Variants in SLC35B3 observed in about 807,000 individuals in gnomAD.
The protein encoded by SLC35B3 is solute carrier family 35 member B3, also known as adenosine 3'-phospho 5'-phosphosulfate transporter 2.
In SLC35B3, 35 loss-of-function variants were observed where a neutral mutation model predicts 44.1. The observed-to-expected ratio is 0.79, with a 90% CI of 0.61 to 1.05. SLC35B3 has a LOEUF of 1.05. SLC35B3 is among the 50% of genes least tolerant of loss of function. The probability of loss-of-function intolerance (pLI) is 0.00; values close to 1 mark genes in which losing one functional copy is unlikely to be tolerated. For synonymous variants in SLC35B3, 146 were observed against 167.3 expected, an observed-to-expected ratio of 0.87 and a Z score of 0.98; for missense variants, 414 against 476.4, an observed-to-expected ratio of 0.87 and a Z score of 1.22.
chr6:8,430,148 G>T lies in SLC35B3; in HGVS notation c.13C>A (p.Gln5Lys), dbSNP rs771060625. Reference sequence around the variant, plus strand: ...ATGTTCTGTATGTCTTTTGCTTGCTGTGTCAAGTCCTAGAGAAGGAAATAA... The same window carrying T: ...ATGTTCTGTATGTCTTTTGCTTGCTTTGTCAAGTCCTAGAGAAGGAAATAA... Residue 5 changes from glutamine (Q) to lysine (K), a missense_variant, in exon 3 of 11, where the codon CAG (glutamine) becomes AAG (lysine). Coordinates refer to ENST00000644923, the MANE Select transcript of SLC35B3 (RefSeq NM_001370476.2). 1.3e-6 allele frequency: 2 copies of T among 1,578,740 alleles called. No homozygotes were observed. The highest frequency in any genetic ancestry group is 4.5e-5 in the East Asian group (2 of 44,474).
At position 8,411,909 on chromosome 6, in the gene SLC35B3, T is replaced by C. The variant is rs1762075145; in HGVS notation, c.*1640A>G. On this transcript the variant is annotated 3_prime_UTR_variant, in exon 11 of 11. Coordinates refer to ENST00000644923, the MANE Select transcript of SLC35B3 (RefSeq NM_001370476.2). The stretch of plus-strand genomic sequence containing the variant: ...TAGAAGCAATTCTAAAAATCACTGC[T>C]AAAAATAAGTGCCCAAATCTTTGAA... Among the ~76,000 whole-genome samples the C allele has an allele frequency of 6.6e-6, 1 of 152,160 alleles. No individual in the cohort carries two copies. Among genetic ancestry groups the C allele is most frequent in the African/African-American group, 2.4e-5 (1 of 41,450 alleles).
chr6:8,433,989 C>A lies in SLC35B3; in HGVS notation c.3+396G>T. On this transcript the variant is annotated intron_variant, in intron 2 of 10. Coordinates refer to ENST00000644923, the MANE Select transcript of SLC35B3 (RefSeq NM_001370476.2). This position sits in a 1 kb window ranked among gnomAD's most constrained non-coding sequence, Gnocchi z 4.1. The stretch of plus-strand genomic sequence containing the variant: ...ATTAGTTTTCAGACTAAATGATCAA[C>A]ATTGTGCTTTGCTTTTGAAGCTCAC... Among the ~76,000 whole-genome samples, 1 of 150,968 alleles carries A rather than the reference C, an allele frequency of 6.6e-6. No individual in the cohort carries two copies. The highest frequency in any genetic ancestry group is 2.0e-4 in the East Asian group (1 of 5,120).
At position 8,434,437 on chromosome 6, in the gene SLC35B3, T is replaced by C. The variant is rs2113587459; in HGVS notation, c.-43-7A>G. Reference sequence around the variant, plus strand: ...CTCCGGAATCAATCATGGCCTATGGTGTACGATTATAAAACAGAAAAAACA... The same window carrying C: ...CTCCGGAATCAATCATGGCCTATGGCGTACGATTATAAAACAGAAAAAACA... On this transcript the variant is annotated splice_polypyrimidine_tract_variant and splice_region_variant and intron_variant, in intron 1 of 10. Transcript: ENST00000644923. The surrounding 1 kb of genome is among the most constrained non-coding windows in gnomAD (Gnocchi z 6.3). The C allele has an allele frequency of 6.2e-7, 1 of 1,608,362 alleles. No individual in the cohort carries two copies. Among genetic ancestry groups the C allele is most frequent in the South Asian group, 1.1e-5 (1 of 90,214 alleles).
chr6:8,431,871 C>CT (rs1410257444), intron 2 of SLC35B3, among the ~76,000 whole-genome samples: 1 of 152,196 alleles, frequency 6.6e-6, no homozygotes, highest in African/African-American at 2.4e-5. Context: ...TTTGCTCTCC[C>CT]TCCACTCTCA....
intron 3 of SLC35B3, among the ~76,000 whole-genome samples, chr6:8,429,483 T>G (rs897031629): frequency 1.3e-5 from 2 of 152,138 alleles, no homozygotes. Flanking sequence ...CCTGATACAT[T>G]TTTGCAAAAA....
At chr6:8,430,212 A>G in intron 2 of SLC35B3, 55 bp from the exon 2 acceptor site, 1 of 1,399,718 alleles carries the variant, frequency 7.1e-7, no homozygotes, top group Non-Finnish European at 9.6e-7. Flanking sequence ...TAATCCTCCA[A>G]ATAATATTCC....
chr6:8,415,869 A>T (rs1762371253), intron 9 of SLC35B3, among the ~76,000 whole-genome samples: 2 of 152,202 alleles, frequency 1.3e-5, no homozygotes, highest in South Asian at 4.2e-4. Context: ...TTCTCGGAGT[A>T]TGGCTTTTAG....
At position 8,419,552 on chromosome 6, in the gene SLC35B3, T is replaced by C. The variant is rs775444938; in HGVS notation, c.780+28A>G. ...ATCACCATTTTTTAAATCTGTCTAATTTGAAGAAAAAACACTAGAGTATTT... is the reference window on the plus strand; with the variant it reads ...ATCACCATTTTTTAAATCTGTCTAACTTGAAGAAAAAACACTAGAGTATTT... On this transcript the variant is annotated intron_variant, in intron 7 of 10. Transcript: ENST00000644923. The surrounding 1 kb of genome is among the most constrained non-coding windows in gnomAD (Gnocchi z 4.3). The C allele has an allele frequency of 8.4e-7, 1 of 1,190,876 alleles. No homozygotes were observed. The highest frequency in any genetic ancestry group is 2.3e-5 in the Admixed American group (1 of 43,542). The allele number at this position is 1,190,876 out of a possible 1,614,324, so 73.8% of individuals were successfully genotyped here. A position where few individuals can be genotyped will look rare whatever the true frequency, so the allele number is the denominator to read the frequency against.
intron 4 of SLC35B3, 62 bp from the exon 4 acceptor site, chr6:8,422,686 T>C: frequency 7.7e-7 from 1 of 1,295,114 alleles, no homozygotes; most frequent in South Asian, 1.3e-5. Flanking sequence ...TAAAAGATAA[T>C]GTGTTCACAT....
At position 8,432,239 on chromosome 6, in the gene SLC35B3, G is replaced by A. The variant is rs1457222518; in HGVS notation, c.4-2082C>T. ...TTGGATACGATTTTTGAAATGGATG[G>A]TGGTACTGGCAAACTTTATGAGCAA... On this transcript the variant is annotated intron_variant, in intron 2 of 10. Transcript: ENST00000644923. This position sits in a 1 kb window ranked among gnomAD's most constrained non-coding sequence, Gnocchi z 4.8. Among the ~76,000 whole-genome samples the A allele has an allele frequency of 6.6e-6, 1 of 151,832 alleles. No homozygotes were observed. The highest frequency in any genetic ancestry group is 1.5e-5 in the Non-Finnish European group (1 of 68,010).
In SLC35B3 at chr6:8,428,018, C is replaced by G. The variant is rs764335719; in HGVS notation, c.338G>C (p.Trp113Ser). The change falls in exon 4 of 11, where the codon TGG (tryptophan) becomes TCG (serine). Residue 113 changes from tryptophan (W) to serine (S), a missense_variant. Trp to Ser is a radical substitution (Grantham distance 177). Transcript: ENST00000644923. ...GGCAAACTGCACTAAGGTAAGGTAC[C>G]AGCCACAGGACTTAAAACCCTCCAC... 6.2e-7 allele frequency: 1 copy of G among 1,608,324 alleles called. No individual in the cohort carries two copies. Among genetic ancestry groups the G allele is most frequent in the South Asian group, 1.1e-5 (1 of 90,154 alleles).
intron 3 of SLC35B3, among the ~76,000 whole-genome samples, chr6:8,429,476 G>A (rs1323708812): frequency 6.6e-6 from 1 of 152,064 alleles, no homozygotes; most frequent in Non-Finnish European, 1.5e-5. Flanking sequence ...AAAATATCCT[G>A]ATACATTTTT....
Position 8,435,218 on chromosome 6 carries a change from C to A in SLC35B3, c.-44+125G>T. 7 of 1,289,240 alleles carry A rather than the reference C, an allele frequency of 5.4e-6. No individual in the cohort carries two copies. The South Asian group carries it at 8.6e-5, about 16-fold the overall frequency. 79.9% of individuals were successfully genotyped at this position (1,289,240 alleles called of 1,614,324 possible). A position where few individuals can be genotyped will look rare whatever the true frequency, so the allele number is the denominator to read the frequency against. Reference sequence around the variant, plus strand: ...CAAAAAAGGGAATCACCCGTTTCTTCCATCCCGACCTCATCCATTCCTCGA... The same window carrying A: ...CAAAAAAGGGAATCACCCGTTTCTTACATCCCGACCTCATCCATTCCTCGA... On this transcript the variant is annotated intron_variant, in intron 1 of 10. Coordinates refer to ENST00000644923, the MANE Select transcript of SLC35B3 (RefSeq NM_001370476.2). The surrounding 1 kb of genome is among the most constrained non-coding windows in gnomAD (Gnocchi z 5.5).
chr6:8,423,748 T>A (rs1297584561), intron 4 of SLC35B3, among the ~76,000 whole-genome samples: 1 of 152,204 alleles, frequency 6.6e-6, no homozygotes, highest in Non-Finnish European at 1.5e-5. Flanking sequence ...TTAAAATGCA[T>A]CATTTACATT....
Position 8,414,961 on chromosome 6 carries a change from T to C in SLC35B3, c.1002A>G (p.Lys334=). 6.2e-7 allele frequency: 1 copy of C among 1,605,208 alleles called. No individual in the cohort carries two copies. The highest frequency in any genetic ancestry group is 8.5e-7 in the Non-Finnish European group (1 of 1,174,200). Reference sequence around the variant, plus strand: ...TAAACGAAAGTACAATGGTCATTGCTTTTCTTCCTGTTGTCACTGTAGGAG... The same window carrying C: ...TAAACGAAAGTACAATGGTCATTGCCTTTCTTCCTGTTGTCACTGTAGGAG... Residue 334 remains lysine (K), a synonymous_variant, in exon 10 of 11, where the codon AAA becomes AAG. Transcript: ENST00000644923.
At chr6:8,417,957 A>G (rs569761456) in intron 7 of SLC35B3, among the ~76,000 whole-genome samples, 40 of 152,130 alleles carry the variant, frequency 2.6e-4, no homozygotes, top group Non-Finnish European at 4.6e-4. Context: ...CCAATTTACT[A>G]TGCTTTTCAT....
chr6:8,416,488 G>T (rs1762424389), intron 9 of SLC35B3, among the ~76,000 whole-genome samples: 1 of 152,122 alleles, frequency 6.6e-6, no homozygotes, highest in South Asian at 2.1e-4. Flanking sequence ...CAAATGAAAG[G>T]CCTAAAAAGC....
At position 8,434,259 on chromosome 6, in the gene SLC35B3, G is replaced by C; in HGVS notation, c.3+126C>G. ...TATTTTTGAGTTTTCCGACCTGAAG[G>C]ACAAAAGTCCCACACCAAAAAAAGG... On this transcript the variant is annotated intron_variant, in intron 2 of 10. Transcript: ENST00000644923. This position sits in a 1 kb window ranked among gnomAD's most constrained non-coding sequence, Gnocchi z 6.3. The C allele has an allele frequency of 1.2e-6, 1 of 835,094 alleles. No homozygotes were observed. The highest frequency in any genetic ancestry group is 2.0e-6 in the Non-Finnish European group (1 of 509,270). 51.7% of individuals were successfully genotyped at this position (835,094 alleles called of 1,614,324 possible). A position where few individuals can be genotyped will look rare whatever the true frequency, so the allele number is the denominator to read the frequency against.
At chr6:8,413,832 C>A in intron 10 of SLC35B3, 133 bp from the exon 10 acceptor site, 1 of 548,106 alleles carries the variant, frequency 1.8e-6, no homozygotes, top group Non-Finnish European at 3.1e-6. Context: ...ACAATAATAG[C>A]ATTAAAATAA....
Sources: allele counts gnomAD v4.1 joint callset (sites outside exome capture counted in the v4.1 genomes callset), GRCh38; gene constraint gnomAD v4.1.1; non-coding constraint Gnocchi (gnomAD v3.1); transcripts MANE v1.5; gene names NCBI Gene and HGNC (gene_info 2026-07-23, HGNC 2026-07-21).